SAMD12: variants seen among roughly 807,000 people sequenced by gnomAD.
SAMD12 encodes sterile alpha motif domain-containing protein 12.
SAMD12 carries 9 observed loss-of-function variants against 15.0 expected under a neutral mutation model. The observed-to-expected ratio is 0.60, with a 90% CI of 0.36 to 1.05. The LOEUF (loss-of-function observed/expected upper bound fraction) is 1.05, where lower values mean the gene tolerates loss of function less well. Among genes scored for constraint, SAMD12 ranks in the 50% least tolerant of loss-of-function variants. The pLI, the probability that SAMD12 is intolerant of heterozygous loss-of-function variation, is 0.01. For missense variants in SAMD12, 230 were observed against 234.2 expected (o/e 0.98, Z 0.12); for synonymous variants, 86 against 90.1 (o/e 0.96, Z 0.25).
chr8:118,605,765 AATATATATATATAT>A (rs55785102), intron 1 of SAMD12, among the ~76,000 whole-genome samples: 3 of 127,608 alleles, frequency 2.4e-5, no homozygotes, highest in South Asian at 5.4e-4. Context: ...AACCCATCAC[AATATATATATATAT>A]ATATATATAT....
intron 2 of SAMD12, among the ~76,000 whole-genome samples, chr8:118,536,578 C>T (rs895379462): frequency 1.3e-5 from 2 of 151,890 alleles, no homozygotes; most frequent in African/African-American, 2.4e-5. Flanking sequence ...TATGATATTG[C>T]CCATTATTTT....
intron 4 of SAMD12, among the ~76,000 whole-genome samples, chr8:118,203,409 G>A (rs573237410): frequency 1.5e-5 from 2 of 137,226 alleles, no homozygotes; most frequent in South Asian, 2.2e-4. Flanking sequence ...TGTGTGTGTC[G>A]AGGGAGAGGC....
intron 1 of SAMD12, among the ~76,000 whole-genome samples, chr8:118,584,677 T>TA (rs1321851221): frequency 6.6e-6 from 1 of 152,146 alleles, no homozygotes; most frequent in Non-Finnish European, 1.5e-5. Flanking sequence ...ACATTGCTCT[T>TA]AAAAAAATTT....
intron 2 of SAMD12, among the ~76,000 whole-genome samples, chr8:118,515,700 AAT>A (rs970374927): frequency 7.9e-5 from 12 of 152,124 alleles, no homozygotes; most frequent in Non-Finnish European, 1.6e-4. Flanking sequence ...TTCCTTTTTC[AAT>A]CCCAACCTTT....
chr8:118,453,468 C>A (rs1050977467), intron 2 of SAMD12, among the ~76,000 whole-genome samples: 5 of 152,086 alleles, frequency 3.3e-5, no homozygotes, highest in African/African-American at 9.7e-5. Context: ...ATTCATGCCA[C>A]AGTTTAATTC....
chr8:118,571,670 A>G (rs564356016), intron 2 of SAMD12, among the ~76,000 whole-genome samples: 1 of 152,338 alleles, frequency 6.6e-6, no homozygotes, highest in African/African-American at 2.4e-5. Flanking sequence ...TCAGAGGGTG[A>G]AAGCCTCAAG....
intron 4 of SAMD12, among the ~76,000 whole-genome samples, chr8:118,278,476 C>T (rs1377322214): frequency 6.6e-6 from 1 of 152,216 alleles, no homozygotes; most frequent in East Asian, 1.9e-4. Context: ...TTCAAGAAAG[C>T]TTCAGCATCT....
intron 3 of SAMD12, among the ~76,000 whole-genome samples, chr8:118,399,313 C>A (rs1277239262): frequency 6.6e-6 from 1 of 151,894 alleles, no homozygotes; most frequent in African/African-American, 2.4e-5. Flanking sequence ...CCACAATTCC[C>A]AGCAATAATT....
chr8:118,248,829 C>T (rs867162004), intron 4 of SAMD12, among the ~76,000 whole-genome samples: 2 of 152,170 alleles, frequency 1.3e-5, no homozygotes, highest in African/African-American at 4.8e-5. Flanking sequence ...AAGATCAATA[C>T]AGCTATGAGC....
chr8:118,341,291 T>G (rs1367761703), intron 4 of SAMD12, among the ~76,000 whole-genome samples: 1 of 152,178 alleles, frequency 6.6e-6, no homozygotes, highest in Admixed American at 6.5e-5. Flanking sequence ...TATGCCTAGC[T>G]TAGCCTCACC....
intron 2 of SAMD12, among the ~76,000 whole-genome samples, chr8:118,451,972 T>A (rs1823097395): frequency 6.6e-6 from 1 of 152,176 alleles, no homozygotes; most frequent in African/African-American, 2.4e-5. Context: ...CCAACTTGTA[T>A]TCCAAGACAG....
intron 4 of SAMD12, among the ~76,000 whole-genome samples, chr8:118,238,443 T>C (rs1026321027): frequency 2.6e-5 from 4 of 152,130 alleles, no homozygotes; most frequent in African/African-American, 9.7e-5. Flanking sequence ...ATTATGTGGA[T>C]AAGACCCTTG....
chr8:118,545,837 T>G (rs960160179), intron 2 of SAMD12, among the ~76,000 whole-genome samples: 2 of 152,210 alleles, frequency 1.3e-5, no homozygotes, highest in African/African-American at 4.8e-5. Context: ...AGAGTCTTGG[T>G]TAATCTGTGG....
chr8:118,251,410 C>T (rs1412296398), intron 4 of SAMD12, among the ~76,000 whole-genome samples: 3 of 152,074 alleles, frequency 2.0e-5, no homozygotes, highest in African/African-American at 7.2e-5. Flanking sequence ...AATAAGGTGA[C>T]TATGAGGTTT....
intron 3 of SAMD12, among the ~76,000 whole-genome samples, chr8:118,403,257 A>T (rs1422979265): frequency 3.9e-5 from 6 of 152,226 alleles, no homozygotes; most frequent in Non-Finnish European, 8.8e-5. Context: ...AGGAACAAAA[A>T]TATGTCCTAA....
intron 2 of SAMD12, among the ~76,000 whole-genome samples, chr8:118,543,615 TTTTC>T (rs1194978406): frequency 5.9e-4 from 85 of 144,190 alleles, no homozygotes; most frequent in African/African-American, 1.4e-3. Context: ...TTTTTTTTTC[TTTTC>T]TTTCTTTCTT....
chr8:118,364,284 A>G (rs1352997730), intron 4 of SAMD12, among the ~76,000 whole-genome samples: 1 of 152,168 alleles, frequency 6.6e-6, no homozygotes, highest in South Asian at 2.1e-4. Context: ...CTGGGGAAAT[A>G]GGAGGTGGAA....
At chr8:118,162,892 G>A in the SAMD12 span, among the ~76,000 whole-genome samples, 11 of 152,204 alleles carry the variant, frequency 7.2e-5, no homozygotes, top group East Asian at 1.9e-3. Context: ...TAAAGTTGTG[G>A]AAAATGAAGA....
rs568523377 is a variant in SAMD12 at position 118,437,968 on chromosome 8, T to C, written c.322+1864A>G. Reference sequence around the variant, plus strand: ...TAAGATCATGAAAAAGGCTTTGCCATTACTATCGCACAGGCATTAAAAAAC... The same window carrying C: ...TAAGATCATGAAAAAGGCTTTGCCACTACTATCGCACAGGCATTAAAAAAC... On this transcript the variant is annotated intron_variant, in intron 3 of 3. Transcript: ENST00000314727. Among the ~76,000 whole-genome samples the C allele has an allele frequency of 8.5e-5, 13 of 152,314 alleles. 1 individual carries two copies. The South Asian group carries it at 2.7e-3, about 32-fold the overall frequency.
Sources: allele counts gnomAD v4.1 joint callset (sites outside exome capture counted in the v4.1 genomes callset), GRCh38; gene constraint gnomAD v4.1.1; transcripts MANE v1.5; gene names NCBI Gene and HGNC (gene_info 2026-07-23, HGNC 2026-07-21).